Variants in LIN52 observed in about 807,000 individuals in gnomAD.
LIN52 encodes lin-52 DREAM MuvB core complex component, also known as protein lin-52 homolog.
Under a neutral mutation model 18.5 loss-of-function variants are expected in LIN52, and 4 were observed. The ratio of observed to expected loss-of-function variants is 0.22; its 90% confidence interval spans 0.11 to 0.49. LIN52 has a LOEUF of 0.49. Ranked by LOEUF, LIN52 falls within the 20% of genes least tolerant of loss-of-function variation. The pLI is 0.97. For missense variants in LIN52, 102 were observed against 139.5 expected (o/e 0.73, Z 1.35); for synonymous variants, 34 against 45.5 (o/e 0.75, Z 1.02).
At position 74,087,040 on chromosome 14, in the gene LIN52, G is replaced by C. The variant is rs549588036; in HGVS notation, c.19+2047G>C. On this transcript the variant is annotated intron_variant, in intron 1 of 5. Transcript: ENST00000555028. ...GTTTTTACAAACTTTGGGGATTTTA[G>C]AGATGTGTTCCTTGAGTTTGATTTT... is the stretch of plus-strand genomic sequence containing the variant. Among the ~76,000 whole-genome samples the C allele has an allele frequency of 6.6e-5, 10 of 152,022 alleles. 1 individual carries two copies. The Middle Eastern group carries it at 0.017, about 259-fold the overall frequency.
At chr14:74,177,050 G>A (rs1350892163) in intron 5 of LIN52, among the ~76,000 whole-genome samples, 1 of 151,666 alleles carries the variant, frequency 6.6e-6, no homozygotes, top group Non-Finnish European at 1.5e-5. Context: ...CCAGGCCGGA[G>A]TGCAATGGTG....
intron 5 of LIN52, among the ~76,000 whole-genome samples, chr14:74,187,187 A>G (rs572891950): frequency 2.0e-5 from 3 of 152,354 alleles, no homozygotes; most frequent in South Asian, 2.1e-4. Flanking sequence ...GAAAAAACCA[A>G]TGTTCAGAAA....
chr14:74,142,224 C>T (rs1349701218), intron 5 of LIN52, among the ~76,000 whole-genome samples: 1 of 152,056 alleles, frequency 6.6e-6, no homozygotes, highest in East Asian at 1.9e-4. Flanking sequence ...CTCTTTAGTC[C>T]CATTCTCAAC....
chr14:74,118,247 T>G (rs1008744680), intron 5 of LIN52, among the ~76,000 whole-genome samples: 3 of 151,892 alleles, frequency 2.0e-5, no homozygotes, highest in African/African-American at 7.3e-5. Flanking sequence ...GATGACAGAG[T>G]GAGACCCTGT....
chr14:74,092,371 T>C (rs1312675723), intron 2 of LIN52, among the ~76,000 whole-genome samples: 3 of 151,020 alleles, frequency 2.0e-5, no homozygotes, highest in Non-Finnish European at 1.5e-5. Flanking sequence ...AATTGCTCAG[T>C]GTTGGCTCAC....
chr14:74,130,278 G>GTTTGTTTTTTTTTTTTTTTTTTTTTT lies in LIN52; in HGVS notation c.283+29043_283+29044insGTTTTTTTTTTTTTTTTTTTTTTTTT, dbSNP rs1555382571. On this transcript the variant is annotated intron_variant, in intron 5 of 5. Transcript: ENST00000555028. ...GAATTTATTAGATAGGCATTTTTTG[G>GTTTGTTTTTTTTTTTTTTTTTTTTTT]TTTTTTTTTTTTTTTTTTGAGACAG... Among the ~76,000 whole-genome samples, 9 of 64,840 alleles carry GTTTGTTTTTTTTTTTTTTTTTTTTTT rather than the reference G, an allele frequency of 1.4e-4. 1 individual carries two copies. Among genetic ancestry groups the GTTTGTTTTTTTTTTTTTTTTTTTTTT allele is most frequent in the African/African-American group, 5.7e-4 (9 of 15,874 alleles). 42.5% of individuals were successfully genotyped at this position (64,840 alleles called of 152,430 possible).
chr14:74,090,208 A>G (rs1019784516), intron 1 of LIN52, among the ~76,000 whole-genome samples: 2 of 151,482 alleles, frequency 1.3e-5, no homozygotes, highest in Admixed American at 1.3e-4. Context: ...TAGTAGAGAC[A>G]GGGTTTCACT....
chr14:74,175,990 A>G (rs2061292480), intron 5 of LIN52, among the ~76,000 whole-genome samples: 1 of 152,034 alleles, frequency 6.6e-6, no homozygotes, highest in South Asian at 2.1e-4. Flanking sequence ...TAAGACACAA[A>G]CACACACATT....
At chr14:74,114,378 A>G in intron 5 of LIN52, 1 of 985,536 alleles carries the variant, frequency 1.0e-6, no homozygotes, top group Non-Finnish European at 1.2e-6. Context: ...AGGAAGTTAC[A>G]GTGGGAATCC....
intron 5 of LIN52, among the ~76,000 whole-genome samples, chr14:74,198,358 A>G (rs2078927508): frequency 6.6e-6 from 1 of 152,230 alleles, no homozygotes; most frequent in South Asian, 2.1e-4. Flanking sequence ...TGACAATGCC[A>G]AGGGAGAGAA....
chr14:74,177,869 G>A (rs1240402987), intron 5 of LIN52, among the ~76,000 whole-genome samples: 8 of 151,900 alleles, frequency 5.3e-5, no homozygotes, highest in South Asian at 2.1e-4. Context: ...CCTCCGCCAC[G>A]TGCGCTCAAG....
intron 5 of LIN52, among the ~76,000 whole-genome samples, chr14:74,135,126 G>A (rs1595170087): frequency 6.6e-6 from 1 of 152,094 alleles, no homozygotes; most frequent in African/African-American, 2.4e-5. Context: ...GTGCAGTGGC[G>A]TGATCTCTGC....
chr14:74,174,535 T>C (rs114357475), intron 5 of LIN52: 1,574 of 152,280 alleles, frequency 0.01, 12 homozygotes, highest in Middle Eastern at 0.027. Flanking sequence ...GCCCAGGAGT[T>C]CTAGCCTGTA....
intron 5 of LIN52, among the ~76,000 whole-genome samples, chr14:74,133,186 CTG>C (rs1393038220): frequency 1.3e-5 from 2 of 152,188 alleles, no homozygotes; most frequent in South Asian, 2.1e-4. Context: ...TTGGTAAAAA[CTG>C]TTCTACATTT....
At chr14:74,166,899 A>G (rs1045078499) in intron 5 of LIN52, among the ~76,000 whole-genome samples, 1 of 152,176 alleles carries the variant, frequency 6.6e-6, no homozygotes, top group Admixed American at 6.5e-5. Flanking sequence ...ATTGAATTGT[A>G]CATTTAGCAC....
chr14:74,132,981 T>C (rs1429849938), intron 5 of LIN52, among the ~76,000 whole-genome samples: 3 of 151,638 alleles, frequency 2.0e-5, no homozygotes, highest in Non-Finnish European at 1.5e-5. Context: ...AGGAGCAAAA[T>C]CGAAACCATG....
chr14:74,196,540 T>C (rs2078913233), intron 5 of LIN52, among the ~76,000 whole-genome samples: 1 of 152,160 alleles, frequency 6.6e-6, no homozygotes, highest in Non-Finnish European at 1.5e-5. Flanking sequence ...ATTAGTTACA[T>C]GTTTAAACTT....
chr14:74,116,284 C>G (rs2060963952), intron 5 of LIN52, among the ~76,000 whole-genome samples: 1 of 151,228 alleles, frequency 6.6e-6, no homozygotes, highest in Non-Finnish European at 1.5e-5. Context: ...GCCTGGGCAA[C>G]AGAGTGAGAC....
At chr14:74,130,588 ATTTTTTTTTTTTTT>A (rs34746271) in intron 5 of LIN52, among the ~76,000 whole-genome samples, 1 of 72,960 alleles carries the variant, frequency 1.4e-5, no homozygotes, top group African/African-American at 6.1e-5. Context: ...TAAATTGGCC[ATTTTTTTTTTTTTT>A]TTTTTTTTTT....
Sources: gnomAD v4.1 joint callset for allele counts (sites outside exome capture counted in the v4.1 genomes callset) on GRCh38, gnomAD v4.1.1 for gene constraint, MANE v1.5 for transcripts, NCBI Gene and HGNC (gene_info 2026-07-23, HGNC 2026-07-21) for gene names.